The following ROBO2 variants were observed in gnomAD, a reference collection of about 807,000 sequenced individuals.
The protein encoded by ROBO2 is roundabout guidance receptor 2.
A neutral mutation model predicts 160.8 loss-of-function variants in ROBO2; 53 were observed. The ratio of observed to expected loss-of-function variants is 0.33; its 90% CI spans 0.26 to 0.41. The LOEUF (loss-of-function observed/expected upper bound fraction) is 0.41, where lower values mean the gene tolerates loss of function less well. Among genes scored for constraint, ROBO2 ranks in the 10% least tolerant of loss-of-function variants. ROBO2 has a pLI of 1.00. For missense variants in ROBO2, 1,577 were observed against 1,722.4 expected (o/e 0.92, Z 1.49); for synonymous variants, 664 against 611.7 (o/e 1.09, Z -1.26).
At chr3:76,182,182 C>G (rs903553418) in intron 2 of ROBO2, among the ~76,000 whole-genome samples, 3 of 151,962 alleles carry the variant, frequency 2.0e-5, no homozygotes, top group African/African-American at 7.2e-5. Context: ...TGTGAACTCT[C>G]TGTAGTTCAT....
At chr3:76,773,699 A>C (rs1159358299) in intron 2 of ROBO2, among the ~76,000 whole-genome samples, 1 of 150,916 alleles carries the variant, frequency 6.6e-6, no homozygotes, top group Admixed American at 6.6e-5. Flanking sequence ...AAAGAATCTT[A>C]TATTCCTATA....
At chr3:76,329,897 C>T (rs1156790506) in intron 2 of ROBO2, among the ~76,000 whole-genome samples, 5 of 152,102 alleles carry the variant, frequency 3.3e-5, no homozygotes, top group Non-Finnish European at 7.4e-5. Context: ...AGCCTTGATA[C>T]TTAGTCGTCT....
intron 2 of ROBO2, among the ~76,000 whole-genome samples, chr3:76,340,215 A>C (rs1260875426): frequency 2.0e-5 from 3 of 152,184 alleles, no homozygotes; most frequent in African/African-American, 4.8e-5. Context: ...TACAAAGATG[A>C]GTTAAAAGCA....
intron 2 of ROBO2, among the ~76,000 whole-genome samples, chr3:76,165,035 T>C (rs1252448091): frequency 2.0e-5 from 3 of 146,998 alleles, no homozygotes; most frequent in Non-Finnish European, 1.5e-5. Context: ...GTATAAACCA[T>C]ATTTGACAAC....
intron 2 of ROBO2, among the ~76,000 whole-genome samples, chr3:77,269,087 C>T (rs2059319578): frequency 6.7e-6 from 1 of 150,212 alleles, no homozygotes; most frequent in African/African-American, 2.4e-5. Flanking sequence ...GTTTCATATC[C>T]TGTGTTGGTA....
chr3:76,377,641 T>C (rs1401554258), intron 2 of ROBO2, among the ~76,000 whole-genome samples: 1 of 152,170 alleles, frequency 6.6e-6, no homozygotes, highest in Non-Finnish European at 1.5e-5. Context: ...GCTCTCCCTA[T>C]GTGAGAAAAA....
intron 2 of ROBO2, among the ~76,000 whole-genome samples, chr3:76,467,289 T>A (rs1308831222): frequency 6.6e-6 from 1 of 152,082 alleles, no homozygotes; most frequent in Non-Finnish European, 1.5e-5. Context: ...ATTATTATTT[T>A]AAAAAACTCA....
intron 2 of ROBO2, among the ~76,000 whole-genome samples, chr3:76,597,178 A>T (rs1404283723): frequency 6.6e-6 from 1 of 152,124 alleles, no homozygotes; most frequent in African/African-American, 2.4e-5. Context: ...AGGAAAAACA[A>T]ATTGTAATAA....
chr3:76,064,761 C>T (rs1269290216), intron 2 of ROBO2, among the ~76,000 whole-genome samples: 1 of 152,022 alleles, frequency 6.6e-6, no homozygotes, highest in Non-Finnish European at 1.5e-5. Context: ...TAGGAAGTGT[C>T]TATTCAGGGC....
intron 2 of ROBO2, among the ~76,000 whole-genome samples, chr3:76,666,924 G>T (rs989792962): frequency 6.6e-6 from 1 of 151,028 alleles, no homozygotes; most frequent in African/African-American, 2.4e-5. Context: ...TTTCTTCTCT[G>T]ATAATATTTC....
Position 76,863,455 on chromosome 3 carries a change from A to AAAG in ROBO2, c.110-234557_110-234556insGAA, listed in dbSNP as rs1553665912. Among the ~76,000 whole-genome samples the AAAG allele has an allele frequency of 4.1e-4, 62 of 150,922 alleles. 1 individual carries two copies. The highest frequency in any genetic ancestry group is 1.4e-3 in the African/African-American group (58 of 41,000). On this transcript the variant is annotated intron_variant, in intron 2 of 26. Transcript: ENST00000487694. ...CCTGTCTCAAAAAAAAAGAAAAAAG[A>AAAG]AAAGAAAAGAAAGAAAATAAAGCAG...
chr3:76,682,639 C>G (rs185198061), intron 2 of ROBO2, among the ~76,000 whole-genome samples: 1 of 152,046 alleles, frequency 6.6e-6, no homozygotes, highest in Non-Finnish European at 1.5e-5. Flanking sequence ...AACTCCTGAC[C>G]TCGTGATCCA....
intron 19 of ROBO2, among the ~76,000 whole-genome samples, chr3:77,599,385 A>G (rs187645783): frequency 6.6e-6 from 1 of 151,938 alleles, no homozygotes; most frequent in Non-Finnish European, 1.5e-5. Flanking sequence ...TTGGAAGAAT[A>G]AGAATGGATA....
chr3:76,941,782 T>C (rs2078205702), intron 2 of ROBO2, among the ~76,000 whole-genome samples: 2 of 152,180 alleles, frequency 1.3e-5, no homozygotes, highest in African/African-American at 2.4e-5. Flanking sequence ...CACCAGAACT[T>C]GATCACTGCT....
chr3:77,396,931 T>A (rs533093069), intron 2 of ROBO2, among the ~76,000 whole-genome samples: 1 of 152,212 alleles, frequency 6.6e-6, no homozygotes, highest in South Asian at 2.1e-4. Context: ...AGGTCCATAG[T>A]AAAAGCGAAT....
intron 2 of ROBO2, among the ~76,000 whole-genome samples, chr3:76,238,431 G>A (rs550495013): frequency 1.1e-4 from 16 of 152,212 alleles, no homozygotes; most frequent in Admixed American, 7.9e-4. Flanking sequence ...AAGAGCATGC[G>A]GAAAACCACC....
intron 2 of ROBO2, among the ~76,000 whole-genome samples, chr3:76,761,173 G>T (rs938838356): frequency 6.6e-6 from 1 of 151,680 alleles, no homozygotes; most frequent in Non-Finnish European, 1.5e-5. Context: ...AATAGCAGTG[G>T]ACAAACCCTT....
At chr3:77,009,016 A>G (rs1031499508) in intron 2 of ROBO2, among the ~76,000 whole-genome samples, 3 of 152,200 alleles carry the variant, frequency 2.0e-5, no homozygotes, top group Non-Finnish European at 4.4e-5. Context: ...TTATAATGAA[A>G]TCAACAGTCA....
rs572693915 is a variant in ROBO2 at position 76,129,979 on chromosome 3, TA to T, written c.109+192383del. Among the ~76,000 whole-genome samples the T allele has an allele frequency of 6.9e-3, 1,050 of 152,148 alleles. 14 individuals carry two copies. Among genetic ancestry groups the T allele is most frequent in the African/African-American group, 0.025 (1,020 of 41,550 alleles). ...ATAGCATAAACTAAAAGAAAGTTAA[TA>T]AAAAACATATGAGAAGGTTTTCAAC... On this transcript the variant is annotated intron_variant, in intron 2 of 26. Coordinates refer to the ROBO2 transcript ENST00000487694.
Sources: gnomAD v4.1 joint callset for allele counts (sites outside exome capture counted in the v4.1 genomes callset) on GRCh38, gnomAD v4.1.1 for gene constraint, MANE v1.5 for transcripts, NCBI Gene and HGNC (gene_info 2026-07-23, HGNC 2026-07-21) for gene names.